RSPO2: variants seen among roughly 807,000 people sequenced by gnomAD.
RSPO2 encodes R-spondin-2.
A neutral mutation model predicts 30.9 loss-of-function variants in RSPO2; 14 were observed. The ratio of observed to expected loss-of-function variants is 0.45; its 90% CI spans 0.30 to 0.71. The LOEUF is 0.71. RSPO2 is among the 30% of genes least tolerant of loss of function. The probability of loss-of-function intolerance (pLI) is 0.08; values close to 1 mark genes in which losing one functional copy is unlikely to be tolerated. For synonymous variants in RSPO2, 107 were observed against 96.4 expected (o/e 1.11, Z -0.64); for missense variants, 264 against 301.9 (o/e 0.87, Z 0.93).
At chr8:108,072,817 A>C (rs1287392363) in intron 2 of RSPO2, among the ~76,000 whole-genome samples, 1 of 152,188 alleles carries the variant, frequency 6.6e-6, no homozygotes, top group Non-Finnish European at 1.5e-5. Context: ...GTATGAGAGA[A>C]GCATCGAAAT....
chr8:108,003,299 ATATATATATATATTTTTTT>A (rs1815326767), intron 2 of RSPO2, among the ~76,000 whole-genome samples: 8 of 23,292 alleles, frequency 3.4e-4, no homozygotes, highest in African/African-American at 1.5e-3. Context: ...ATATATATAT[ATATATATATATATTTTTTT>A]TTTTTTTTTT....
intron 3 of RSPO2, among the ~76,000 whole-genome samples, chr8:107,979,154 C>T (rs1447926892): frequency 6.6e-6 from 1 of 152,128 alleles, no homozygotes; most frequent in Non-Finnish European, 1.5e-5. Context: ...CTAGAAATAC[C>T]ATTTGACCTA....
intron 2 of RSPO2, among the ~76,000 whole-genome samples, chr8:108,070,627 T>G (rs985773577): frequency 5.9e-5 from 9 of 152,052 alleles, no homozygotes; most frequent in African/African-American, 1.9e-4. Flanking sequence ...GTATTTTGAG[T>G]TCAAGCAGCT....
intron 2 of RSPO2, among the ~76,000 whole-genome samples, chr8:108,054,048 T>G (rs1250599574): frequency 1.3e-5 from 2 of 152,204 alleles, no homozygotes; most frequent in African/African-American, 4.8e-5. Context: ...AGTATTTATA[T>G]GATGCATTTG....
At chr8:107,955,658 A>G (rs1044993731) in intron 5 of RSPO2, among the ~76,000 whole-genome samples, 6 of 152,112 alleles carry the variant, frequency 3.9e-5, no homozygotes, top group African/African-American at 1.4e-4. Context: ...TCTTAAAGCC[A>G]TTTATGTTTT....
chr8:107,959,173 GCTTTGCATTTTCTGATTTTTTCTGTT>G (rs1223715767), intron 4 of RSPO2, among the ~76,000 whole-genome samples: 21 of 152,262 alleles, frequency 1.4e-4, no homozygotes, highest in Admixed American at 3.9e-4. Context: ...TGGGGAGCTT[GCTTTGCATTTTCTGATTTTTTCTGTT>G]CTTTCAACAG....
intron 2 of RSPO2, among the ~76,000 whole-genome samples, chr8:108,056,348 G>A (rs1360007612): frequency 6.6e-6 from 1 of 152,020 alleles, no homozygotes; most frequent in Non-Finnish European, 1.5e-5. Flanking sequence ...TGTAAGCATA[G>A]TGACTCACAC....
At chr8:108,055,467 C>T (rs750856315) in intron 2 of RSPO2, among the ~76,000 whole-genome samples, 3 of 152,016 alleles carry the variant, frequency 2.0e-5, no homozygotes, top group Non-Finnish European at 4.4e-5. Context: ...ATAAGCAATT[C>T]TTGGCTGTCC....
intron 5 of RSPO2, among the ~76,000 whole-genome samples, chr8:107,921,323 AAAAG>A (rs1352379140): frequency 1.3e-5 from 2 of 151,522 alleles, no homozygotes. Context: ...CCTTTAGAAA[AAAAG>A]AAGAGAAGAA....
intron 5 of RSPO2, among the ~76,000 whole-genome samples, chr8:107,930,308 T>A (rs777499255): frequency 1.1e-4 from 16 of 152,206 alleles, no homozygotes; most frequent in Non-Finnish European, 2.2e-4. Context: ...TGTGTTGTAT[T>A]TCCTTGGTTA....
Position 108,062,392 on chromosome 8 carries a change from G to C in RSPO2, c.94+20153C>G, listed in dbSNP as rs183396062. Among the ~76,000 whole-genome samples, 635 of 151,992 alleles carry C rather than the reference G, an allele frequency of 4.2e-3. 16 individuals carry two copies. The highest frequency in any genetic ancestry group is 0.015 in the African/African-American group (605 of 41,266). On this transcript the variant is annotated intron_variant, in intron 2 of 5. Coordinates refer to ENST00000276659, the MANE Select transcript of RSPO2 (RefSeq NM_178565.5). ...CCCACAGAAATACAGACTACCATCA[G>C]AGAATACTATAAACACCTCTACACA...
intron 5 of RSPO2, among the ~76,000 whole-genome samples, chr8:107,952,421 A>G (rs1813284620): frequency 6.6e-6 from 1 of 152,170 alleles, no homozygotes; most frequent in Non-Finnish European, 1.5e-5. Context: ...CAGACATTAT[A>G]ACACTTTTAT....
Position 107,900,381 on chromosome 8 carries a change from TTCCCCAAACTAGAAAAGTCA to T in RSPO2, c.*674_*693del, listed in dbSNP as rs1247041786. ...CAAGAGGCAACAAAACAAGTGTCAATTCCCCAAACTAGAAAAGTCATTTATCAGACAATGGGTTAGGAACC... is the reference window on the plus strand; with the variant it reads ...CAAGAGGCAACAAAACAAGTGTCAATTTTATCAGACAATGGGTTAGGAACC... On this transcript the variant is annotated 3_prime_UTR_variant, in exon 6 of 6. Coordinates refer to ENST00000276659, the MANE Select transcript of RSPO2 (RefSeq NM_178565.5). The T allele has an allele frequency of 6.6e-6, 1 of 152,340 alleles. No individual in the cohort carries two copies. Among genetic ancestry groups the T allele is most frequent in the African/African-American group, 2.4e-5 (1 of 41,398 alleles). The allele number at this position is 152,340 out of a possible 1,614,324, so 9.4% of individuals were successfully genotyped here. A position where few individuals can be genotyped will look rare whatever the true frequency, so the allele number is the denominator to read the frequency against.
At chr8:108,004,482 TA>T (rs1450312660) in intron 2 of RSPO2, among the ~76,000 whole-genome samples, 1 of 152,186 alleles carries the variant, frequency 6.6e-6, no homozygotes, top group Non-Finnish European at 1.5e-5. Flanking sequence ...TGATCAAAAC[TA>T]GACTTTACAA....
intron 2 of RSPO2, among the ~76,000 whole-genome samples, chr8:108,042,427 C>T (rs555854974): frequency 3.9e-5 from 6 of 151,978 alleles, no homozygotes; most frequent in Admixed American, 2.0e-4. Context: ...CAAGGAAATC[C>T]GGAGATATGA....
At chr8:108,005,384 G>A (rs1315812190) in intron 2 of RSPO2, among the ~76,000 whole-genome samples, 2 of 152,014 alleles carry the variant, frequency 1.3e-5, no homozygotes, top group Non-Finnish European at 2.9e-5. Flanking sequence ...CACTGGTTTT[G>A]GCATCCAAGA....
At chr8:107,993,838 T>A (rs1211625426) in intron 2 of RSPO2, among the ~76,000 whole-genome samples, 1 of 152,224 alleles carries the variant, frequency 6.6e-6, no homozygotes, top group Non-Finnish European at 1.5e-5. Context: ...ATGAAGTCAA[T>A]CCCTGCCTCC....
chr8:108,041,203 C>CAA (rs55937336), intron 2 of RSPO2, among the ~76,000 whole-genome samples: 7,382 of 100,190 alleles, frequency 0.074, 284 homozygotes, highest in Non-Finnish European at 0.085. Context: ...CAAAAAGTGG[C>CAA]AAAAAAAAAA....
At chr8:107,965,935 T>C (rs1466933598) in intron 3 of RSPO2, among the ~76,000 whole-genome samples, 3 of 152,068 alleles carry the variant, frequency 2.0e-5, no homozygotes, top group Non-Finnish European at 4.4e-5. Context: ...GTGCTATAAG[T>C]TGGAACTTCA....
Sources: allele counts gnomAD v4.1 joint callset (sites outside exome capture counted in the v4.1 genomes callset), GRCh38; gene constraint gnomAD v4.1.1; transcripts MANE v1.5; gene names NCBI Gene and HGNC (gene_info 2026-07-23, HGNC 2026-07-21).